The following ITCH variants were observed in gnomAD, a reference collection of about 807,000 sequenced individuals.
ITCH encodes the protein itchy E3 ubiquitin protein ligase.
ITCH carries 28 observed loss-of-function variants against 126.8 expected under a neutral mutation model. The observed-to-expected ratio is 0.22, with a 90% CI of 0.16 to 0.30. ITCH has a LOEUF of 0.30. ITCH is among the 10% of genes least tolerant of loss of function. The pLI, the probability that ITCH is intolerant of heterozygous loss-of-function variation, is 1.00. For synonymous variants in ITCH, 342 were observed against 340.0 expected, an observed-to-expected ratio of 1.01 and a Z score of -0.06; for missense variants, 631 against 1,032.4, an observed-to-expected ratio of 0.61 and a Z score of 5.33.
intron 4 of ITCH, 97 bp downstream of exon 4, chr20:34,408,889 G>C: frequency 1.7e-6 from 2 of 1,190,866 alleles, no homozygotes; most frequent in South Asian, 2.8e-5. Context: ...TTTTGTTGTT[G>C]TTGTTCCTCC....
chr20:34,487,464 C>A (rs1310456668), intron 20 of ITCH, among the ~76,000 whole-genome samples: 1 of 152,018 alleles, frequency 6.6e-6, no homozygotes, highest in Non-Finnish European at 1.5e-5. Context: ...TCTTATTTTT[C>A]CCAACTTTCT....
chr20:34,471,673 GGTGTGTGTGT>G (rs10606931), intron 16 of ITCH, among the ~76,000 whole-genome samples, 158 bp downstream of exon 16: 81 of 69,326 alleles, frequency 1.2e-3, no homozygotes, highest in African/African-American at 3.2e-3. Context: ...GGGCTTAAGG[GGTGTGTGTGT>G]GTGTGTGTGT....
At chr20:34,470,243 T>C in intron 15 of ITCH, 123 bp downstream of exon 15, 1 of 810,996 alleles carries the variant, frequency 1.2e-6, no homozygotes, top group Non-Finnish European at 2.2e-6. Context: ...TTAGAATCTC[T>C]TTCATCTATT....
intron 3 of ITCH, among the ~76,000 whole-genome samples, chr20:34,405,268 G>GC (rs2039020913): frequency 6.6e-6 from 1 of 152,126 alleles, no homozygotes; most frequent in Non-Finnish European, 1.5e-5. Context: ...ACTTTGAGGG[G>GC]CCGAGGCAAG....
At chr20:34,421,135 C>T (rs558100269) in intron 6 of ITCH, among the ~76,000 whole-genome samples, 6 of 152,146 alleles carry the variant, frequency 3.9e-5, no homozygotes, top group Admixed American at 6.6e-5. Context: ...GACAGGATCT[C>T]GCTGTGTTGC....
At chr20:34,484,962 G>A (rs967372500) in intron 20 of ITCH, among the ~76,000 whole-genome samples, 4 of 152,194 alleles carry the variant, frequency 2.6e-5, no homozygotes, top group African/African-American at 2.4e-5. Flanking sequence ...AGCCCCAGAG[G>A]TAGGTAACCA....
At chr20:34,447,536 T>A (rs1984615885) in intron 11 of ITCH, among the ~76,000 whole-genome samples, 1 of 152,162 alleles carries the variant, frequency 6.6e-6, no homozygotes, top group Non-Finnish European at 1.5e-5. Flanking sequence ...TGGTTGACAG[T>A]AAAACACTGT....
chr20:34,410,752 T>C (rs1287394492), intron 4 of ITCH, among the ~76,000 whole-genome samples: 1 of 152,228 alleles, frequency 6.6e-6, no homozygotes, highest in Non-Finnish European at 1.5e-5. Context: ...CCAGAGATGT[T>C]CAGTTGAATT....
intron 18 of ITCH, among the ~76,000 whole-genome samples, chr20:34,480,023 C>A (rs1988586961): frequency 6.6e-6 from 1 of 152,116 alleles, no homozygotes; most frequent in Non-Finnish European, 1.5e-5. Flanking sequence ...CTCAGCCTCC[C>A]AAGTAGCTAG....
At position 34,492,492 on chromosome 20, in the gene ITCH, T is replaced by C; in HGVS notation, c.2320-9T>C. 2 of 1,469,748 alleles carry C rather than the reference T, an allele frequency of 1.4e-6. No individual in the cohort carries two copies. The highest frequency in any genetic ancestry group is 1.9e-6 in the Non-Finnish European group (2 of 1,048,154). The allele number at this position is 1,469,748 out of a possible 1,614,324, so 91.0% of individuals were successfully genotyped here. A position where few individuals can be genotyped will look rare whatever the true frequency, so the allele number is the denominator to read the frequency against. The stretch of plus-strand genomic sequence containing the variant: ...GACATATATATCTCTTTAAATATAC[T>C]TTTAACAGTTTGTTAAAGAAATTGA... On this transcript the variant is annotated splice_polypyrimidine_tract_variant and intron_variant, in intron 22 of 24. Coordinates refer to ENST00000374864, the MANE Select transcript of ITCH (RefSeq NM_031483.7).
At chr20:34,445,178 A>G (rs111487081) in intron 10 of ITCH, 109 bp from the exon 11 acceptor site, 4 of 1,194,808 alleles carry the variant, frequency 3.3e-6, no homozygotes, top group African/African-American at 3.1e-5. Flanking sequence ...TTAAAAATAC[A>G]TAAAAGACTC....
chr20:34,383,710 T>C (rs2038156432), intron 2 of ITCH, among the ~76,000 whole-genome samples: 1 of 151,742 alleles, frequency 6.6e-6, no homozygotes, highest in Admixed American at 6.6e-5. Context: ...TTTTTTTTAA[T>C]AGAAATGGGG....
chr20:34,412,483 A>G (rs1262330400), intron 4 of ITCH, 32 bp from the exon 5 acceptor site: 2 of 1,500,766 alleles, frequency 1.3e-6, no homozygotes, highest in South Asian at 2.3e-5. Flanking sequence ...TTCAATAAAA[A>G]TAATATTTTT....
chr20:34,396,287 G>T (rs2038673574), intron 3 of ITCH, among the ~76,000 whole-genome samples: 3 of 151,908 alleles, frequency 2.0e-5, no homozygotes, highest in Admixed American at 2.0e-4. Context: ...ACCTGCCTCG[G>T]CCTACCAATG....
chr20:34,424,496 T>C lies in ITCH; in HGVS notation c.492T>C (p.Asp164=), dbSNP rs777143426. 5.5e-5 allele frequency: 89 copies of C among 1,613,592 alleles called. No individual in the cohort carries two copies. In the South Asian group the frequency reaches 8.2e-4, roughly 15 times the overall value. ...ATGTTAAAGGTGCTTCTCAGAATGATGATGGCTCCAGATCCAAGGATGAAA... is the reference window on the plus strand; with the variant it reads ...ATGTTAAAGGTGCTTCTCAGAATGACGATGGCTCCAGATCCAAGGATGAAA... ...TTCSESASQN[D]DGSRSKDETR... is the part of the protein sequence containing the mutation. The change falls in exon 7 of 25, where the codon GAT becomes GAC. Residue 164 remains aspartate (D), a synonymous_variant. Transcript: ENST00000374864.
chr20:34,393,903 T>C, intron 3 of ITCH, 22 bp downstream of exon 3: 1 of 1,600,062 alleles, frequency 6.2e-7, no homozygotes. Flanking sequence ...AAACATCGGC[T>C]GCTTTACTTT....
At chr20:34,440,439 C>T (rs1239264140) in intron 9 of ITCH, 95 bp downstream of exon 9, 3 of 943,732 alleles carry the variant, frequency 3.2e-6, no homozygotes, top group East Asian at 2.5e-5. Context: ...CAGTAAACTC[C>T]ATTGTTTTGA....
intron 2 of ITCH, among the ~76,000 whole-genome samples, chr20:34,376,954 G>A (rs940668498): frequency 6.6e-6 from 1 of 152,182 alleles, no homozygotes; most frequent in African/African-American, 2.4e-5. Context: ...AAGATACTGT[G>A]TACAGGCTAT....
chr20:34,424,665 G>A, intron 7 of ITCH, 140 bp downstream of exon 7: 2 of 803,920 alleles, frequency 2.5e-6, no homozygotes, highest in East Asian at 5.3e-5. Context: ...GGAAATATTT[G>A]CAAAAGATTG....
Sources: allele counts gnomAD v4.1 joint callset (sites outside exome capture counted in the v4.1 genomes callset), GRCh38; gene constraint gnomAD v4.1.1; transcripts MANE v1.5; gene names NCBI Gene and HGNC (gene_info 2026-07-23, HGNC 2026-07-21).